The following ITSN1 variants were observed in gnomAD, a reference collection of about 807,000 sequenced individuals.
The protein encoded by ITSN1 is intersectin 1.
ITSN1 carries 58 observed loss-of-function variants against 239.8 expected under a neutral mutation model. That is an observed-to-expected ratio of 0.24 (90% CI 0.20 to 0.30). The LOEUF (loss-of-function observed/expected upper bound fraction) is 0.30. Ranked by LOEUF, ITSN1 falls within the 10% of genes least tolerant of loss-of-function variation. The pLI is 1.00. For synonymous variants in ITSN1, 780 were observed against 770.8 expected (o/e 1.01, Z -0.20); for missense variants, 1,558 against 2,103.3 (o/e 0.74, Z 5.07).
chr21:33,692,494 C>T (rs1354925287), intron 1 of ITSN1, among the ~76,000 whole-genome samples: 1 of 152,120 alleles, frequency 6.6e-6, no homozygotes, highest in Non-Finnish European at 1.5e-5. Context: ...CTGTGATTTC[C>T]ACTGGAGCAA....
Position 33,889,161 on chromosome 21 carries a change from G to A in ITSN1, c.*861G>A, listed in dbSNP as rs924042346. 1.3e-5 allele frequency: 2 copies of A among 152,062 alleles called. No individual in the cohort carries two copies. The highest frequency in any genetic ancestry group is 1.9e-4 in the East Asian group (1 of 5,192). 9.4% of individuals were successfully genotyped at this position (152,062 alleles called of 1,614,324 possible). ...ATGTTGGAAAAATCTCTTTTGGCTC[G>A]GAGGCCTGTGATATTTCATAGCAGC... On this transcript the variant is annotated 3_prime_UTR_variant, in exon 40 of 40. Coordinates refer to ENST00000381318, the MANE Select transcript of ITSN1 (RefSeq NM_003024.3).
intron 22 of ITSN1, among the ~76,000 whole-genome samples, chr21:33,816,024 AAAAT>A (rs1266820180): frequency 6.6e-6 from 1 of 152,044 alleles, no homozygotes; most frequent in Non-Finnish European, 1.5e-5. Context: ...TCTACTAAAA[AAAAT>A]AAATAAATAC....
chr21:33,731,370 G>T (rs2066173571), intron 4 of ITSN1, among the ~76,000 whole-genome samples: 1 of 152,178 alleles, frequency 6.6e-6, no homozygotes, highest in South Asian at 2.1e-4. Context: ...TGTTGATGTT[G>T]ATTTTTATTA....
intron 14 of ITSN1, among the ~76,000 whole-genome samples, chr21:33,779,930 C>A (rs994460368): frequency 6.6e-6 from 1 of 152,026 alleles, no homozygotes; most frequent in East Asian, 1.9e-4. Flanking sequence ...TTCCCGAGTT[C>A]GAGTGATTCT....
intron 11 of ITSN1, 136 bp from the exon 12 acceptor site, chr21:33,771,925 A>G (rs2069195166): frequency 1.1e-6 from 1 of 927,778 alleles, no homozygotes; most frequent in African/African-American, 1.7e-5. Flanking sequence ...TGTGCTCATT[A>G]ACAAGGACAC....
intron 5 of ITSN1, among the ~76,000 whole-genome samples, chr21:33,748,659 G>GTAAGACC (rs1468712942): frequency 2.0e-5 from 3 of 150,862 alleles, no homozygotes; most frequent in African/African-American, 7.3e-5. Flanking sequence ...AGGCAACATA[G>GTAAGACC]TAAGACCTCA....
In ITSN1 at chr21:33,645,163, C is replaced by G. The variant is rs886683926; in HGVS notation, c.-33+2450C>G. ...CTAAATTATCTTTTTAATTTGCTAACATTTGTGAGTTGTAGAGAATTGATG... is the reference window on the plus strand; with the variant it reads ...CTAAATTATCTTTTTAATTTGCTAAGATTTGTGAGTTGTAGAGAATTGATG... On this transcript the variant is annotated intron_variant, in intron 1 of 39. Transcript: ENST00000381318. 9.2e-5 allele frequency among the ~76,000 whole-genome samples: 14 copies of G among 152,248 alleles called. No homozygotes were observed. The East Asian group carries it at 2.3e-3, about 25-fold the overall frequency.
At position 33,888,466 on chromosome 21, in the gene ITSN1, C is replaced by A; in HGVS notation, c.*166C>A. ...CTCCTAGGAATCATTCTCGACAATC[C>A]TCCCTGCCCCGAAACAATTTCCTGT... On this transcript the variant is annotated 3_prime_UTR_variant, in exon 40 of 40. Coordinates refer to ENST00000381318, the MANE Select transcript of ITSN1 (RefSeq NM_003024.3). The A allele has an allele frequency of 1.5e-6, 1 of 650,288 alleles. No homozygotes were observed. The highest frequency in any genetic ancestry group is 1.8e-5 in the African/African-American group (1 of 54,754). The allele number at this position is 650,288 out of a possible 1,614,324, so 40.3% of individuals were successfully genotyped here. A position where few individuals can be genotyped will look rare whatever the true frequency, so the allele number is the denominator to read the frequency against.
chr21:33,847,511 T>C (rs546862987), intron 29 of ITSN1, among the ~76,000 whole-genome samples: 1 of 152,358 alleles, frequency 6.6e-6, no homozygotes, highest in East Asian at 1.9e-4. Context: ...AAGGTCACCG[T>C]ACATCGCTGG....
chr21:33,828,551 GA>G (rs1393207400), intron 26 of ITSN1, among the ~76,000 whole-genome samples: 4 of 152,236 alleles, frequency 2.6e-5, no homozygotes, highest in Non-Finnish European at 4.4e-5. Context: ...GGAGTGAGTA[GA>G]AAAGTAGGAA....
intron 29 of ITSN1, among the ~76,000 whole-genome samples, chr21:33,846,697 G>A (rs1480280930): frequency 1.3e-5 from 2 of 152,180 alleles, no homozygotes; most frequent in African/African-American, 2.4e-5. Flanking sequence ...CACAGGCTTG[G>A]TCCTTCCTCC....
rs572580915 is a variant in ITSN1 at position 33,663,804 on chromosome 21, G to A, written c.-33+21091G>A. ...TTTTTAGTAGAGACGGGGTTTCTCC[G>A]TGTTGAGGCTGGTCTCGAACTCCTG... On this transcript the variant is annotated intron_variant, in intron 1 of 39. Transcript: ENST00000381318. Among the ~76,000 whole-genome samples, 11 of 152,212 alleles carry A rather than the reference G, an allele frequency of 7.2e-5. No individual in the cohort carries two copies. In the South Asian group the frequency reaches 2.3e-3, roughly 32 times the overall value.
chr21:33,885,649 G>GT (rs1480103804), intron 38 of ITSN1, 127 bp downstream of exon 38: 28 of 719,710 alleles, frequency 3.9e-5, no homozygotes, highest in African/African-American at 7.0e-5. Context: ...TCCAGAATTG[G>GT]TTTAACTAGC....
Position 33,774,725 on chromosome 21 carries a change from A to G in ITSN1, c.1306-4A>G, listed in dbSNP as rs1220554658. ...TTAGTAATTTGTCTCTGTAAATGTCACAGGCTGCAAAACGGGAACTTGAAA... is the reference window on the plus strand; with the variant it reads ...TTAGTAATTTGTCTCTGTAAATGTCGCAGGCTGCAAAACGGGAACTTGAAA... On this transcript the variant is annotated splice_polypyrimidine_tract_variant and splice_region_variant and intron_variant, in intron 12 of 39. Coordinates refer to ENST00000381318, the MANE Select transcript of ITSN1 (RefSeq NM_003024.3). 4 of 1,611,084 alleles carry G rather than the reference A, an allele frequency of 2.5e-6. No individual in the cohort carries two copies. The African/African-American group carries it at 4.0e-5, about 16-fold the overall frequency.
intron 30 of ITSN1, 30 bp from the exon 31 acceptor site, chr21:33,858,656 T>G: frequency 7.0e-7 from 1 of 1,427,120 alleles, no homozygotes; most frequent in Non-Finnish European, 9.9e-7. Context: ...CTAACTGCTT[T>G]CTGAACTGCT....
At chr21:33,690,517 G>A (rs538175625) in intron 1 of ITSN1, among the ~76,000 whole-genome samples, 14 of 149,954 alleles carry the variant, frequency 9.3e-5, no homozygotes, top group African/African-American at 1.7e-4. Flanking sequence ...GGAGAATGGC[G>A]TGAACCCGGG....
intron 30 of ITSN1, 95 bp from the exon 31 acceptor site, chr21:33,858,591 C>T (rs1979829296): frequency 1.3e-6 from 1 of 758,572 alleles, no homozygotes; most frequent in Non-Finnish European, 2.3e-6. Flanking sequence ...GGTACAGACA[C>T]CTGAGCCCTT....
intron 18 of ITSN1, among the ~76,000 whole-genome samples, chr21:33,798,661 C>T (rs1281948888): frequency 6.6e-6 from 1 of 152,048 alleles, no homozygotes; most frequent in Non-Finnish European, 1.5e-5. Context: ...TTTAGTGCTT[C>T]AGTATACAGA....
rs577025281 is a variant in ITSN1 at position 33,889,597 on chromosome 21, G to A, written c.*1297G>A. 2.0e-5 allele frequency: 3 copies of A among 152,256 alleles called. No individual in the cohort carries two copies. Among genetic ancestry groups the A allele is most frequent in the Admixed American group, 6.5e-5 (1 of 15,300 alleles). 9.4% of individuals were successfully genotyped at this position (152,256 alleles called of 1,614,324 possible). A position where few individuals can be genotyped will look rare whatever the true frequency, so the allele number is the denominator to read the frequency against. On this transcript the variant is annotated 3_prime_UTR_variant, in exon 40 of 40. Transcript: ENST00000381318. ...TAACTTGATTTGCTAATGAAAAGTG[G>A]GGGCCGTGTTTTGTTTGCATGTTAA... is the stretch of plus-strand genomic sequence containing the variant.
Sources: allele counts gnomAD v4.1 joint callset (sites outside exome capture counted in the v4.1 genomes callset), GRCh38; gene constraint gnomAD v4.1.1; transcripts MANE v1.5; gene names NCBI Gene and HGNC (gene_info 2026-07-23, HGNC 2026-07-21).